RABGAP1L: variants seen among roughly 807,000 people sequenced by gnomAD.
RABGAP1L encodes the protein RAB GTPase activating protein 1 like.
In RABGAP1L, 63 loss-of-function variants were observed where a neutral mutation model predicts 137.7. The ratio of observed to expected loss-of-function variants is 0.46; its 90% CI spans 0.37 to 0.56. The LOEUF (loss-of-function observed/expected upper bound fraction) is 0.56, where lower values mean the gene tolerates loss of function less well. RABGAP1L is among the 20% of genes least tolerant of loss of function. The pLI is 0.00. For synonymous variants in RABGAP1L, 431 were observed against 433.7 expected (o/e 0.99, Z 0.08); for missense variants, 1,095 against 1,244.0 (o/e 0.88, Z 1.80).
Position 174,348,702 on chromosome 1 carries a change from C to T in RABGAP1L, c.1466-22277C>T, listed in dbSNP as rs1369540405. Among the ~76,000 whole-genome samples, 9 of 148,282 alleles carry T rather than the reference C, an allele frequency of 6.1e-5. No individual in the cohort carries two copies. The East Asian group carries it at 1.6e-3, about 27-fold the overall frequency. On this transcript the variant is annotated intron_variant, in intron 11 of 25. Transcript: ENST00000681986. ...CTTCAAGCATCTGTTTAACAAAGCA[C>T]ATCTTGCACCGCCCTTAATCCATTT...
chr1:174,613,291 T>G (rs994932555), intron 13 of RABGAP1L, among the ~76,000 whole-genome samples: 1 of 152,214 alleles, frequency 6.6e-6, no homozygotes, highest in African/African-American at 2.4e-5. Context: ...TACATCTTTA[T>G]TTCTGCCTTC....
chr1:174,632,964 G>A (rs1444877966), intron 13 of RABGAP1L, among the ~76,000 whole-genome samples: 1 of 152,012 alleles, frequency 6.6e-6, no homozygotes. Flanking sequence ...AGGAGGAGAG[G>A]CGCTCTGCGT....
chr1:174,569,192 C>A (rs563637509), intron 13 of RABGAP1L, among the ~76,000 whole-genome samples: 2 of 152,258 alleles, frequency 1.3e-5, no homozygotes, highest in East Asian at 3.9e-4. Context: ...AAGTGAAAAA[C>A]CACATTTCTT....
At chr1:174,571,845 A>C (rs1428858607) in intron 13 of RABGAP1L, among the ~76,000 whole-genome samples, 2 of 152,228 alleles carry the variant, frequency 1.3e-5, no homozygotes, top group Non-Finnish European at 2.9e-5. Context: ...AAGTATGTTT[A>C]CACTGCTTCA....
At chr1:174,559,916 A>T (rs570465688) in intron 13 of RABGAP1L, among the ~76,000 whole-genome samples, 1 of 152,254 alleles carries the variant, frequency 6.6e-6, no homozygotes, top group African/African-American at 2.4e-5. Context: ...AGGGCAGATC[A>T]TGAGGTCAGG....
intron 13 of RABGAP1L, among the ~76,000 whole-genome samples, chr1:174,614,839 C>G (rs556415300): frequency 6.6e-6 from 1 of 152,178 alleles, no homozygotes; most frequent in African/African-American, 2.4e-5. Context: ...GATCTTCCAT[C>G]ACTGATACCC....
At chr1:174,265,028 A>G (rs1192173947) in intron 7 of RABGAP1L, among the ~76,000 whole-genome samples, 1 of 152,194 alleles carries the variant, frequency 6.6e-6, no homozygotes, top group Non-Finnish European at 1.5e-5. Flanking sequence ...AGTGATAATC[A>G]GGAATCAGTA....
chr1:174,345,116 G>C (rs1682320610), intron 11 of RABGAP1L, among the ~76,000 whole-genome samples: 1 of 152,074 alleles, frequency 6.6e-6, no homozygotes, highest in African/African-American at 2.4e-5. Flanking sequence ...ATTTATTTCT[G>C]TGTCCTCTCT....
At chr1:174,317,941 C>T (rs1571189535) in intron 11 of RABGAP1L, among the ~76,000 whole-genome samples, 3 of 152,198 alleles carry the variant, frequency 2.0e-5, no homozygotes, top group Admixed American at 2.0e-4. Context: ...AGTTCAGTGC[C>T]CCACAGTTGC....
chr1:174,605,726 G>A (rs1670741923), intron 13 of RABGAP1L, among the ~76,000 whole-genome samples: 1 of 152,128 alleles, frequency 6.6e-6, no homozygotes, highest in Non-Finnish European at 1.5e-5. Context: ...TTTTGTTTCT[G>A]CAATTAATTG....
intron 19 of RABGAP1L, among the ~76,000 whole-genome samples, chr1:174,870,028 G>A (rs1651929030): frequency 6.6e-6 from 1 of 152,212 alleles, no homozygotes; most frequent in Non-Finnish European, 1.5e-5. Context: ...TAGCCAGTGA[G>A]TGGTGGAGCC....
At chr1:174,808,710 A>T (rs1018636783) in intron 18 of RABGAP1L, among the ~76,000 whole-genome samples, 1 of 150,716 alleles carries the variant, frequency 6.6e-6, no homozygotes, top group South Asian at 2.1e-4. Flanking sequence ...CTGGAGTGCA[A>T]TGGTGCAGTC....
At chr1:174,966,311 C>T (rs1574031396) in intron 20 of RABGAP1L, among the ~76,000 whole-genome samples, 1 of 152,114 alleles carries the variant, frequency 6.6e-6, no homozygotes, top group Non-Finnish European at 1.5e-5. Context: ...TTGAAGTAGT[C>T]TTATCTTAGT....
chr1:174,419,109 TTAATGGTTAGAG>T (rs1400401622), intron 13 of RABGAP1L, among the ~76,000 whole-genome samples: 1 of 152,206 alleles, frequency 6.6e-6, no homozygotes, highest in Non-Finnish European at 1.5e-5. Context: ...AAGTCTTGAT[TTAATGGTTAGAG>T]TACTTAGTTT....
intron 11 of RABGAP1L, among the ~76,000 whole-genome samples, chr1:174,350,552 T>A (rs1683059326): frequency 7.8e-6 from 1 of 128,808 alleles, no homozygotes; most frequent in African/African-American, 3.1e-5. Context: ...GAAGAGGCGC[T>A]CCTCACTTCC....
intron 18 of RABGAP1L, among the ~76,000 whole-genome samples, chr1:174,774,060 AACC>A (rs1205297997): frequency 6.6e-6 from 1 of 152,256 alleles, no homozygotes; most frequent in Non-Finnish European, 1.5e-5. Flanking sequence ...AGAATAATAT[AACC>A]AGTAGAGGAA....
At chr1:174,294,605 C>T (rs1391257286) in intron 10 of RABGAP1L, among the ~76,000 whole-genome samples, 1 of 152,108 alleles carries the variant, frequency 6.6e-6, no homozygotes, top group East Asian at 1.9e-4. Flanking sequence ...AGAAAGGTCA[C>T]TGTTACTACA....
At chr1:174,171,850 A>G (rs1665417464) in intron 1 of RABGAP1L, among the ~76,000 whole-genome samples, 1 of 152,030 alleles carries the variant, frequency 6.6e-6, no homozygotes, top group African/African-American at 2.4e-5. Flanking sequence ...AAAATACAAA[A>G]ATTAGCCAGG....
intron 14 of RABGAP1L, among the ~76,000 whole-genome samples, chr1:174,665,316 C>G (rs946293307): frequency 1.3e-4 from 19 of 151,388 alleles, no homozygotes; most frequent in Admixed American, 1.1e-3. Flanking sequence ...GTGCCTTAGT[C>G]TGCCTGCCTG....
Sources: gnomAD v4.1 joint callset for allele counts (sites outside exome capture counted in the v4.1 genomes callset) on GRCh38, gnomAD v4.1.1 for gene constraint, MANE v1.5 for transcripts, NCBI Gene and HGNC (gene_info 2026-07-23, HGNC 2026-07-21) for gene names.